APBA1: variants seen among roughly 807,000 people sequenced by gnomAD.
APBA1 encodes amyloid-beta A4 precursor protein-binding family A member 1.
Under a neutral mutation model 86.6 loss-of-function variants are expected in APBA1, and 55 were observed. The observed-to-expected ratio is 0.64, with a 90% confidence interval of 0.51 to 0.80. The LOEUF (loss-of-function observed/expected upper bound fraction) is 0.80, where lower values mean the gene tolerates loss of function less well. Ranked by LOEUF, APBA1 falls within the 30% of genes least tolerant of loss-of-function variation. The pLI, the probability that APBA1 is intolerant of heterozygous loss-of-function variation, is 0.00. For missense variants in APBA1, 1,090 were observed against 1,183.0 expected, an observed-to-expected ratio of 0.92 and a Z score of 1.15; for synonymous variants, 511 against 493.9, an observed-to-expected ratio of 1.03 and a Z score of -0.46.
chr9:69,526,428 C>T (rs973777626), intron 1 of APBA1, among the ~76,000 whole-genome samples: 5 of 152,078 alleles, frequency 3.3e-5, no homozygotes, highest in Non-Finnish European at 5.9e-5. Flanking sequence ...ACAAACACTT[C>T]TCAAAAGAAG....
At chr9:69,488,648 C>A (rs943370240) in intron 2 of APBA1, among the ~76,000 whole-genome samples, 1 of 152,248 alleles carries the variant, frequency 6.6e-6, no homozygotes, top group South Asian at 2.1e-4. Context: ...CCAAGACGGG[C>A]AAGGGGTGGA....
intron 1 of APBA1, among the ~76,000 whole-genome samples, chr9:69,572,401 C>A (rs1837130508): frequency 6.6e-6 from 1 of 152,114 alleles, no homozygotes; most frequent in Non-Finnish European, 1.5e-5. Context: ...GCATCCATGC[C>A]CCTGCATCTC....
intron 12 of APBA1, 41 bp from the exon 13 acceptor site, chr9:69,431,439 GGGGCTGGCTGCGTGGGCACTGCCCA>G (rs1564025701): frequency 6.3e-7 from 1 of 1,581,998 alleles, no homozygotes; most frequent in South Asian, 1.1e-5. Flanking sequence ...GCTGAGGCTG[GGGGCTGGCTGCGTGGGCACTGCCCA>G]GGGCTGGCCA....
intron 2 of APBA1, among the ~76,000 whole-genome samples, chr9:69,477,112 G>A (rs946882158): frequency 1.3e-5 from 2 of 152,194 alleles, no homozygotes; most frequent in African/African-American, 2.4e-5. Context: ...GCAGGGGGCG[G>A]CGGAGCCAAG....
rs1478152703 is a variant in APBA1, at chr9:69,430,370, G to T, written c.*957C>A. On this transcript the variant is annotated 3_prime_UTR_variant, in exon 13 of 13. Transcript: ENST00000265381. ...GTGGTGCTGGAGGGGCTGGGCCTCA[G>T]CGCAGAGAGGGCAGGTCTCTCAGGA... 6.6e-6 allele frequency: 1 copy of T among 152,294 alleles called. No homozygotes were observed. The highest frequency in any genetic ancestry group is 2.4e-5 in the African/African-American group (1 of 41,472). 9.4% of individuals were successfully genotyped at this position (152,294 alleles called of 1,614,324 possible). A position where few individuals can be genotyped will look rare whatever the true frequency, so the allele number is the denominator to read the frequency against.
chr9:69,630,145 G>A (rs1434931458), intron 1 of APBA1, among the ~76,000 whole-genome samples: 1 of 152,026 alleles, frequency 6.6e-6, no homozygotes, highest in African/African-American at 2.4e-5. Context: ...GGGGCAGTCA[G>A]GGTAGGCACC....
At chr9:69,640,493 A>C (rs1369265780) in intron 1 of APBA1, among the ~76,000 whole-genome samples, 4 of 152,034 alleles carry the variant, frequency 2.6e-5, no homozygotes, top group African/African-American at 9.7e-5. Flanking sequence ...AATATTACAG[A>C]GTCAACATTT....
At chr9:69,455,908 A>G (rs1360013483) in intron 8 of APBA1, among the ~76,000 whole-genome samples, 2 of 152,102 alleles carry the variant, frequency 1.3e-5, no homozygotes, top group Non-Finnish European at 2.9e-5. Context: ...TCTCTGCTCC[A>G]AGGTCACCTC....
intron 1 of APBA1, among the ~76,000 whole-genome samples, chr9:69,605,170 C>T (rs1224072045): frequency 6.6e-6 from 1 of 151,968 alleles, no homozygotes; most frequent in Non-Finnish European, 1.5e-5. Context: ...TAGTTTTTGC[C>T]AAACAGCTCA....
chr9:69,486,802 G>A (rs1479313927), intron 2 of APBA1, among the ~76,000 whole-genome samples: 1 of 151,854 alleles, frequency 6.6e-6, no homozygotes, highest in Non-Finnish European at 1.5e-5. Context: ...AGCACAGGGT[G>A]TTACCAACAG....
intron 1 of APBA1, among the ~76,000 whole-genome samples, chr9:69,651,276 G>C (rs1048631020): frequency 9.2e-5 from 14 of 152,188 alleles, no homozygotes; most frequent in Non-Finnish European, 2.9e-5. Flanking sequence ...CACAGAATGG[G>C]AGGGAGCGTG....
chr9:69,611,612 G>A (rs909404636), intron 1 of APBA1, among the ~76,000 whole-genome samples: 1 of 152,192 alleles, frequency 6.6e-6, no homozygotes, highest in Non-Finnish European at 1.5e-5. Context: ...ATAAAATTTA[G>A]CCATGGGAAC....
chr9:69,506,185 C>T (rs1468888594), intron 2 of APBA1, among the ~76,000 whole-genome samples: 2 of 151,794 alleles, frequency 1.3e-5, no homozygotes, highest in African/African-American at 4.8e-5. Flanking sequence ...GAGTGCCAGA[C>T]AGTGGGCGCA....
At position 69,540,321 on chromosome 9, in the gene APBA1, TA is replaced by T. The variant is rs571891692; in HGVS notation, c.-69-23043del. Among the ~76,000 whole-genome samples the T allele has an allele frequency of 2.2e-4, 33 of 152,322 alleles. 1 individual carries two copies. The East Asian group carries it at 6.4e-3, about 29-fold the overall frequency. On this transcript the variant is annotated intron_variant, in intron 1 of 12. Transcript: ENST00000265381. ...ATGACTGTGTCCCTAGTGTCTGGAATAGTGTGTGATACTTAAGAAGTGCTCA... is the reference window on the plus strand; with the variant it reads ...ATGACTGTGTCCCTAGTGTCTGGAATGTGTGTGATACTTAAGAAGTGCTCA...
chr9:69,633,884 T>C (rs1183087318), intron 1 of APBA1, among the ~76,000 whole-genome samples: 1 of 152,190 alleles, frequency 6.6e-6, no homozygotes, highest in East Asian at 1.9e-4. Flanking sequence ...CAGCATCAGC[T>C]TTCAGCTTCA....
At position 69,431,365 on chromosome 9, in the gene APBA1, T is replaced by A. The variant is rs1255285909; in HGVS notation, c.2476A>T (p.Arg826Trp). The A allele has an allele frequency of 5.6e-6, 9 of 1,613,178 alleles. No individual in the cohort carries two copies. Reference sequence around the variant, plus strand: ...GGCTGCTCCTGGGCCGTCAGCAGCCTGTACATCGCGGCTGGCATTGTCTTC... The same window carrying A: ...GGCTGCTCCTGGGCCGTCAGCAGCCAGTACATCGCGGCTGGCATTGTCTTC... ...HMKTMPAAMYRLLTAQEQPVY... is the reference protein window; with the variant it reads ...HMKTMPAAMYWLLTAQEQPVY... The change falls in exon 13 of 13, where the codon AGG becomes TGG. Residue 826 changes from arginine (R) to tryptophan (W), a missense_variant. By Grantham distance (101) the Arg-to-Trp change is moderately radical. Around this residue, in one of 6 missense-constraint regions of APBA1, gnomAD observed 17 missense variants for 30.3 expected, o/e 0.56. Transcript: ENST00000265381.
intron 1 of APBA1, among the ~76,000 whole-genome samples, chr9:69,656,647 T>C (rs1164141664): frequency 1.3e-5 from 2 of 152,210 alleles, no homozygotes; most frequent in Non-Finnish European, 2.9e-5. Flanking sequence ...CAAGTGCTAG[T>C]TATATAGTTT....
At chr9:69,647,738 G>A (rs1823419838) in intron 1 of APBA1, among the ~76,000 whole-genome samples, 1 of 152,216 alleles carries the variant, frequency 6.6e-6, no homozygotes, top group South Asian at 2.1e-4. Context: ...ATAAAGACAT[G>A]AGCACACAAA....
intron 2 of APBA1, among the ~76,000 whole-genome samples, chr9:69,486,999 C>T (rs536996031): frequency 8.6e-4 from 130 of 151,964 alleles, no homozygotes; most frequent in Admixed American, 3.0e-3. Context: ...TTACCACTCT[C>T]GCCCCTTGGA....
Sources: allele counts gnomAD v4.1 joint callset (sites outside exome capture counted in the v4.1 genomes callset), GRCh38; gene constraint gnomAD v4.1.1; regional missense constraint gnomAD v4.1.1; transcripts MANE v1.5; gene names NCBI Gene and HGNC (gene_info 2026-07-23, HGNC 2026-07-21).